Variants in POU6F2 observed in about 807,000 individuals in gnomAD.
The protein encoded by POU6F2 is POU domain, class 6, transcription factor 2.
POU6F2 carries 31 observed loss-of-function variants against 71.3 expected under a neutral mutation model. The ratio of observed to expected loss-of-function variants is 0.43; its 90% CI spans 0.33 to 0.59. The LOEUF is 0.59. POU6F2 is among the 20% of genes least tolerant of loss of function. The pLI, the probability that POU6F2 is intolerant of heterozygous loss-of-function variation, is 0.04. For synonymous variants in POU6F2, 347 were observed against 355.7 expected, an observed-to-expected ratio of 0.98 and a Z score of 0.27; for missense variants, 783 against 856.8, an observed-to-expected ratio of 0.91 and a Z score of 1.07.
At chr7:39,318,614 CT>C (rs1189260836) in intron 4 of POU6F2, among the ~76,000 whole-genome samples, 4 of 152,152 alleles carry the variant, frequency 2.6e-5, no homozygotes, top group Non-Finnish European at 5.9e-5. Context: ...CAAAAGAACC[CT>C]TCTGCTCTCT....
intron 2 of POU6F2, among the ~76,000 whole-genome samples, chr7:39,127,517 G>A (rs1292156738): frequency 1.3e-5 from 2 of 152,186 alleles, no homozygotes; most frequent in Non-Finnish European, 2.9e-5. Context: ...CCTACTGGGG[G>A]AGACAGGAAG....
rs186964405 is a variant in POU6F2 at position 39,395,018 on chromosome 7, C to T, written c.973-11582C>T. Among the ~76,000 whole-genome samples the T allele has an allele frequency of 3.3e-5, 5 of 152,188 alleles. No homozygotes were observed. The East Asian group carries it at 9.7e-4, about 29-fold the overall frequency. ...CTGTGTGCAGTTACCCCCAGCTGCA[C>T]TCCCTCCCTCTGATTGCCCTATTGC... is the stretch of plus-strand genomic sequence containing the variant. On this transcript the variant is annotated intron_variant, in intron 5 of 9. Transcript: ENST00000518318.
chr7:39,003,444 A>T (rs1377597297), intron 1 of POU6F2, among the ~76,000 whole-genome samples: 2 of 152,056 alleles, frequency 1.3e-5, no homozygotes, highest in African/African-American at 4.8e-5. Flanking sequence ...ATGTCTTAAA[A>T]GAAGGAAGTG....
At chr7:39,313,820 G>A (rs116265449) in intron 4 of POU6F2, among the ~76,000 whole-genome samples, 2,098 of 152,202 alleles carry the variant, frequency 0.014, 41 homozygotes, top group African/African-American at 0.048. Flanking sequence ...AAATTTTTCC[G>A]TTTTTCAAGA....
chr7:39,258,743 CCGCAGAATCTG>C (rs898495846), intron 4 of POU6F2, among the ~76,000 whole-genome samples: 7 of 151,576 alleles, frequency 4.6e-5, no homozygotes, highest in African/African-American at 1.7e-4. Context: ...GGTAGGGGCA[CCGCAGAATCTG>C]TGATATTGTA....
chr7:39,072,422 T>C (rs907084341), intron 1 of POU6F2, among the ~76,000 whole-genome samples: 1 of 152,216 alleles, frequency 6.6e-6, no homozygotes, highest in East Asian at 1.9e-4. Context: ...AGCAAATTAA[T>C]GTTAGCAAGT....
intron 1 of POU6F2, among the ~76,000 whole-genome samples, chr7:39,011,071 G>T: frequency 2.5e-5 from 3 of 120,426 alleles, no homozygotes; most frequent in Admixed American, 8.6e-5. Context: ...TCAATTCCTG[G>T]GTATCCTTGT....
At chr7:39,420,772 A>G (rs1033849527) in intron 6 of POU6F2, among the ~76,000 whole-genome samples, 16 of 152,190 alleles carry the variant, frequency 1.1e-4, no homozygotes, top group African/African-American at 3.9e-4. Context: ...TATGAATGAT[A>G]TCATCTGGCA....
chr7:39,410,626 C>T (rs992417892), intron 6 of POU6F2, among the ~76,000 whole-genome samples: 2 of 152,204 alleles, frequency 1.3e-5, no homozygotes, highest in South Asian at 2.1e-4. Flanking sequence ...CTCTGAGCCT[C>T]GGTTTTGCCA....
chr7:39,159,232 A>G (rs2128736199), intron 2 of POU6F2, among the ~76,000 whole-genome samples: 1 of 152,156 alleles, frequency 6.6e-6, no homozygotes, highest in Admixed American at 6.5e-5. Flanking sequence ...CCAGTGTCAC[A>G]TTATTGTTTT....
intron 2 of POU6F2, among the ~76,000 whole-genome samples, chr7:39,103,840 A>AT (rs1328622592): frequency 6.6e-6 from 1 of 152,184 alleles, no homozygotes; most frequent in Non-Finnish European, 1.5e-5. Context: ...TCTAAAACTG[A>AT]TATTTCAAGG....
At position 39,153,813 on chromosome 7, in the gene POU6F2, A is replaced by G. The variant is rs559084326; in HGVS notation, c.278-50422A>G. On this transcript the variant is annotated intron_variant, in intron 2 of 9. Coordinates refer to ENST00000518318, the MANE Select transcript of POU6F2 (RefSeq NM_001370959.1). ...CATCCAGGCCAAAGAGTGCAGTACC[A>G]TGAGAAGCCTTGCGGGCAAAGGGGA... is the stretch of plus-strand genomic sequence containing the variant. Among the ~76,000 whole-genome samples, 5 of 152,282 alleles carry G rather than the reference A, an allele frequency of 3.3e-5. No homozygotes were observed. In the East Asian group the frequency reaches 9.7e-4, roughly 29 times the overall value.
chr7:39,014,793 T>G (rs1789427527), intron 1 of POU6F2, among the ~76,000 whole-genome samples: 1 of 152,200 alleles, frequency 6.6e-6, no homozygotes, highest in South Asian at 2.1e-4. Context: ...CTCTCACAAA[T>G]GCTGGAGAGC....
intron 1 of POU6F2, among the ~76,000 whole-genome samples, chr7:39,025,832 A>G (rs998636477): frequency 2.6e-4 from 40 of 151,248 alleles, no homozygotes; most frequent in Non-Finnish European, 1.3e-4. Context: ...ATGGGAGAAA[A>G]TTTTCGCAAC....
chr7:39,221,545 C>G (rs1358542974), intron 4 of POU6F2, among the ~76,000 whole-genome samples: 1 of 151,852 alleles, frequency 6.6e-6, no homozygotes, highest in Non-Finnish European at 1.5e-5. Context: ...TGTGTGCCAC[C>G]ACACCTAATT....
At position 39,230,489 on chromosome 7, in the gene POU6F2, GAA is replaced by G. The variant is rs971811603; in HGVS notation, c.598+22883_598+22884del. On this transcript the variant is annotated intron_variant, in intron 4 of 9. Transcript: ENST00000518318. Reference sequence around the variant, plus strand: ...ACAGCATAAGACCCTGTTTTAAAAAGAAAAAAAAAAAAAAAGTTCAAGATAGC... The same window carrying G: ...ACAGCATAAGACCCTGTTTTAAAAAGAAAAAAAAAAAAAGTTCAAGATAGC... Among the ~76,000 whole-genome samples the G allele has an allele frequency of 5.5e-3, 561 of 102,576 alleles. 7 individuals are homozygous for G. The highest frequency in any genetic ancestry group is 0.019 in the African/African-American group (544 of 28,092). The allele number at this position is 102,576 out of a possible 152,430, so 67.3% of individuals were successfully genotyped here.
At position 39,433,164 on chromosome 7, in the gene POU6F2, A is replaced by AC. The variant is rs1788150985; in HGVS notation, c.1207dup (p.Gln403ProfsTer102). 6.2e-7 allele frequency: 1 copy of AC among 1,612,542 alleles called. No homozygotes were observed. Among genetic ancestry groups the AC allele is most frequent in the Non-Finnish European group, 8.5e-7 (1 of 1,179,678 alleles). On this transcript the variant is annotated frameshift_variant, in exon 7 of 10. Coordinates refer to ENST00000518318, the MANE Select transcript of POU6F2 (RefSeq NM_001370959.1). LOFTEE classifies it high-confidence loss of function. ...TCAGGGCTTGCAAGTGCAGCCAATC[A>AC]CCCCCCAGCTCCTCACAAACGCCCA...
intron 1 of POU6F2, among the ~76,000 whole-genome samples, chr7:39,052,004 T>A (rs1376730105): frequency 6.6e-6 from 1 of 152,146 alleles, no homozygotes; most frequent in Non-Finnish European, 1.5e-5. Flanking sequence ...GGCTAGGCCC[T>A]CTTCTACCGA....
chr7:39,213,261 T>A (rs1318440224), intron 4 of POU6F2, among the ~76,000 whole-genome samples: 1 of 152,196 alleles, frequency 6.6e-6, no homozygotes, highest in Non-Finnish European at 1.5e-5. Flanking sequence ...TTTCTTCCCT[T>A]CACTCTAGCA....
Sources: gnomAD v4.1 joint callset for allele counts (sites outside exome capture counted in the v4.1 genomes callset) on GRCh38, gnomAD v4.1.1 for gene constraint, MANE v1.5 for transcripts, NCBI Gene and HGNC (gene_info 2026-07-23, HGNC 2026-07-21) for gene names.